The following ARPC1B variants were observed in gnomAD, a reference collection of about 807,000 sequenced individuals.
The protein encoded by ARPC1B is actin-related protein 2/3 complex subunit 1B.
Under a neutral mutation model 46.0 loss-of-function variants are expected in ARPC1B, and 29 were observed. That is an observed-to-expected ratio of 0.63 (90% CI 0.47 to 0.86). The LOEUF (loss-of-function observed/expected upper bound fraction) is 0.86, where lower values mean the gene tolerates loss of function less well. Among genes scored for constraint, ARPC1B ranks in the 40% least tolerant of loss-of-function variants. The probability of loss-of-function intolerance (pLI) is 0.00; values close to 1 mark genes in which losing one functional copy is unlikely to be tolerated. For synonymous variants in ARPC1B, 201 were observed against 213.9 expected (o/e 0.94, Z 0.53); for missense variants, 469 against 529.4 (o/e 0.89, Z 1.12).
At chr7:99,378,283 G>A (rs1318325893) in intron 1 of ARPC1B, among the ~76,000 whole-genome samples, 2 of 151,418 alleles carry the variant, frequency 1.3e-5, no homozygotes, top group Admixed American at 6.6e-5. Flanking sequence ...TGTTGCCCAG[G>A]CTGGTCTCCG....
rs558122527 is a variant in ARPC1B at position 99,394,627 on chromosome 7, G to C, written c.*138G>C. On this transcript the variant is annotated 3_prime_UTR_variant, in exon 10 of 10. Coordinates refer to ENST00000646101, the MANE Select transcript of ARPC1B (RefSeq NM_005720.4). ...TAGGGGCTGCTCCCTCAAAAAGGGA[G>C]GGGACAGATGGGGAGCTTTTCTTAC... 19 of 1,474,172 alleles carry C rather than the reference G, an allele frequency of 1.3e-5. No individual in the cohort carries two copies. In the African/African-American group the frequency reaches 1.6e-4, roughly 12 times the overall value. 91.3% of individuals were successfully genotyped at this position (1,474,172 alleles called of 1,614,324 possible).
chr7:99,384,708 C>G (rs182010885), intron 1 of ARPC1B, among the ~76,000 whole-genome samples: 47 of 152,280 alleles, frequency 3.1e-4, no homozygotes, highest in African/African-American at 1.1e-3. Context: ...TGTTAAATAT[C>G]TGCCTTTGCC....
rs1192616340 is a variant in ARPC1B, at chr7:99,382,564, G to A, written c.-13-3138G>A. 2.1e-4 allele frequency among the ~76,000 whole-genome samples: 32 copies of A among 152,010 alleles called. 1 individual carries two copies. The highest frequency in any genetic ancestry group is 2.1e-3 in the Admixed American group (32 of 15,250). On this transcript the variant is annotated intron_variant, in intron 1 of 9. Transcript: ENST00000646101. Reference sequence around the variant, plus strand: ...AGCTCACTGCAGCCTCAAACTCCTAGGCTAAGCAATCCTCCTGCCTCAGCT... The same window carrying A: ...AGCTCACTGCAGCCTCAAACTCCTAAGCTAAGCAATCCTCCTGCCTCAGCT...
chr7:99,387,899 C>CAAA (rs758756583), intron 3 of ARPC1B, 140 bp from the exon 4 acceptor site: 43 of 549,566 alleles, frequency 7.8e-5, no homozygotes, highest in East Asian at 9.3e-5. Context: ...GACTCTGTTT[C>CAAA]AAAAAAAAAA....
At chr7:99,387,553 C>T (rs1794432062) in intron 3 of ARPC1B, among the ~76,000 whole-genome samples, 2 of 152,134 alleles carry the variant, frequency 1.3e-5, no homozygotes, top group African/African-American at 2.4e-5. Flanking sequence ...GCCTGGTCAA[C>T]ATGGTGAAAC....
Position 99,384,954 on chromosome 7 carries a change from ATTTTTTTTTTTT to A in ARPC1B, c.-13-730_-13-719del, listed in dbSNP as rs753952597. 1.2e-4 allele frequency among the ~76,000 whole-genome samples: 8 copies of A among 67,420 alleles called. No homozygotes were observed. In the East Asian group the frequency reaches 1.4e-3, roughly 12 times the overall value. The allele number at this position is 67,420 out of a possible 152,430, so 44.2% of individuals were successfully genotyped here. On this transcript the variant is annotated intron_variant, in intron 1 of 9. Transcript: ENST00000646101. ...AGGCAGGTGCCACCACACCTGGCTAATTTTTTTTTTTTTTTTTTTTTTTTTTTTTGAGACGGA... is the reference window on the plus strand; with the variant it reads ...AGGCAGGTGCCACCACACCTGGCTAATTTTTTTTTTTTTTTTTGAGACGGA...
chr7:99,378,774 C>CTTTTTTTTTT lies in ARPC1B; in HGVS notation c.-14+4004_-14+4013dup. ...ACCAAAGAATGTTAATTTTCTTTTT[C>CTTTTTTTTTT]TTTTTTTTTTTTTTTTTTTTGAGAT... On this transcript the variant is annotated intron_variant, in intron 1 of 9. Coordinates refer to ENST00000646101, the MANE Select transcript of ARPC1B (RefSeq NM_005720.4). Among the ~76,000 whole-genome samples, 87 of 106,540 alleles carry CTTTTTTTTTT rather than the reference C, an allele frequency of 8.2e-4. 6 individuals are homozygous for CTTTTTTTTTT. The highest frequency in any genetic ancestry group is 3.3e-3 in the African/African-American group (76 of 22,970). 69.9% of individuals were successfully genotyped at this position (106,540 alleles called of 152,430 possible). A position where few individuals can be genotyped will look rare whatever the true frequency, so the allele number is the denominator to read the frequency against.
chr7:99,378,780 T>C lies in ARPC1B; in HGVS notation c.-14+3999T>C, dbSNP rs965431399. 1.2e-3 allele frequency among the ~76,000 whole-genome samples: 160 copies of C among 133,126 alleles called. 1 individual carries two copies. The highest frequency in any genetic ancestry group is 2.4e-3 in the Non-Finnish European group (153 of 63,556). 87.3% of individuals were successfully genotyped at this position (133,126 alleles called of 152,430 possible). A position where few individuals can be genotyped will look rare whatever the true frequency, so the allele number is the denominator to read the frequency against. ...GAATGTTAATTTTCTTTTTCTTTTT[T>C]TTTTTTTTTTTTTTGAGATGGAGTC... On this transcript the variant is annotated intron_variant, in intron 1 of 9. Transcript: ENST00000646101.
At chr7:99,387,291 G>A (rs887092313) in intron 3 of ARPC1B, among the ~76,000 whole-genome samples, 1 of 151,946 alleles carries the variant, frequency 6.6e-6, no homozygotes, top group Non-Finnish European at 1.5e-5. Flanking sequence ...GAAATTAGCC[G>A]GGTGTGGTGG....
intron 1 of ARPC1B, 116 bp from the exon 2 acceptor site, chr7:99,385,585 TA>T: frequency 1.1e-6 from 1 of 880,346 alleles, no homozygotes; most frequent in Non-Finnish European, 1.8e-6. Context: ...GCTGCCCCTC[TA>T]AACTGAGGGG....
At chr7:99,392,996 G>C in intron 8 of ARPC1B, 120 bp downstream of exon 8, 1 of 1,105,488 alleles carries the variant, frequency 9.0e-7, no homozygotes, top group Non-Finnish European at 1.2e-6. Flanking sequence ...CTTGAGGACT[G>C]GGGACCCGGA....
chr7:99,391,766 AAAG>A (rs2150897073), intron 7 of ARPC1B, among the ~76,000 whole-genome samples: 1 of 151,870 alleles, frequency 6.6e-6, no homozygotes, highest in East Asian at 1.9e-4. Flanking sequence ...AAAAAAAAAA[AAAG>A]AGCCAGGCCC....
chr7:99,392,633 C>T, intron 7 of ARPC1B, 38 bp from the exon 8 acceptor site: 1 of 1,442,042 alleles, frequency 6.9e-7, no homozygotes, highest in South Asian at 1.4e-5. Flanking sequence ...CTCGGTTTCC[C>T]CTCCGCGGCG....
chr7:99,374,361 C>T (rs1017222805), upstream of ARPC1B: 1 of 152,144 alleles, frequency 6.6e-6, no homozygotes, highest in Non-Finnish European at 1.5e-5. This position sits in a 1 kb window ranked among gnomAD's most constrained non-coding sequence, Gnocchi z 5.0. Context: ...GCGCGGAGCC[C>T]GCAGTACCCG....
At chr7:99,386,347 G>C (rs1031056878) in intron 2 of ARPC1B, 16 of 475,454 alleles carry the variant, frequency 3.4e-5, no homozygotes, top group East Asian at 3.0e-4. Flanking sequence ...AGACCCAGAG[G>C]GGGAGAGGAA....
intron 8 of ARPC1B, 122 bp downstream of exon 8, chr7:99,392,998 G>C: frequency 2.8e-6 from 3 of 1,053,020 alleles, no homozygotes; most frequent in South Asian, 3.5e-5. Flanking sequence ...TGAGGACTGG[G>C]GACCCGGAGG....
At chr7:99,384,946 C>A (rs1377508901) in intron 1 of ARPC1B, among the ~76,000 whole-genome samples, 1 of 146,170 alleles carries the variant, frequency 6.8e-6, no homozygotes, top group East Asian at 2.0e-4. Context: ...TGCCACCACA[C>A]CTGGCTAATT....
intron 2 of ARPC1B, chr7:99,386,266 G>GAGAA (rs914566510): frequency 3.3e-5 from 12 of 358,536 alleles, no homozygotes; most frequent in South Asian, 8.8e-5. Context: ...AAAAAAAAGA[G>GAGAA]AGAAAGAAAG....
chr7:99,390,689 C>T (rs1353458520), intron 5 of ARPC1B, among the ~76,000 whole-genome samples: 7 of 151,700 alleles, frequency 4.6e-5, no homozygotes, highest in Admixed American at 4.6e-4. Context: ...CACCTGTTAA[C>T]CCTTTAAAAA....
Sources: gnomAD v4.1 joint callset for allele counts (sites outside exome capture counted in the v4.1 genomes callset) on GRCh38, gnomAD v4.1.1 for gene constraint, Gnocchi (gnomAD v3.1) non-coding constraint, MANE v1.5 for transcripts, NCBI Gene and HGNC (gene_info 2026-07-23, HGNC 2026-07-21) for gene names.